The following SRBD1 variants were observed in gnomAD, a reference collection of about 807,000 sequenced individuals.
The protein encoded by SRBD1 is S1 RNA binding domain 1.
A neutral mutation model predicts 115.3 loss-of-function variants in SRBD1; 88 were observed. The ratio of observed to expected loss-of-function variants is 0.76; its 90% CI spans 0.64 to 0.91. SRBD1 has a LOEUF of 0.91. Ranked by LOEUF, SRBD1 falls within the 40% of genes least tolerant of loss-of-function variation. SRBD1 has a pLI of 0.00. For missense variants in SRBD1, 1,385 were observed against 1,177.4 expected, an observed-to-expected ratio of 1.18 and a Z score of -2.58; for synonymous variants, 509 against 407.7, an observed-to-expected ratio of 1.25 and a Z score of -2.99.
intron 16 of SRBD1, among the ~76,000 whole-genome samples, chr2:45,429,211 A>C (rs541098486): frequency 6.6e-6 from 1 of 152,200 alleles, no homozygotes; most frequent in African/African-American, 2.4e-5. Context: ...GAATTCCACC[A>C]GAGGTACAAA....
chr2:45,491,770 A>C (rs1021594718), intron 14 of SRBD1, among the ~76,000 whole-genome samples: 2 of 152,226 alleles, frequency 1.3e-5, no homozygotes, highest in Non-Finnish European at 1.5e-5. Flanking sequence ...CAACGCATTC[A>C]CTTTCAAATT....
intron 16 of SRBD1, among the ~76,000 whole-genome samples, chr2:45,452,791 TG>T (rs921466679): frequency 2.2e-4 from 33 of 151,632 alleles, no homozygotes; most frequent in Non-Finnish European, 3.7e-4. Context: ...TTGGTTGTGG[TG>T]GGGGGGCGTA....
chr2:45,525,989 A>T (rs1364515720), intron 14 of SRBD1, among the ~76,000 whole-genome samples: 1 of 152,040 alleles, frequency 6.6e-6, no homozygotes. Flanking sequence ...TTGTAGATAA[A>T]TCAGAACCCT....
chr2:45,413,611 T>A (rs757373704), intron 18 of SRBD1, among the ~76,000 whole-genome samples: 1 of 152,046 alleles, frequency 6.6e-6, no homozygotes, highest in Non-Finnish European at 1.5e-5. Context: ...ATCTATTGAG[T>A]GTAGAACAGG....
intron 10 of SRBD1, among the ~76,000 whole-genome samples, chr2:45,555,323 T>C (rs1054427428): frequency 3.3e-5 from 5 of 152,104 alleles, no homozygotes; most frequent in African/African-American, 7.2e-5. Flanking sequence ...AGGTTGAAGC[T>C]GTAGTAAGCC....
chr2:45,548,611 C>T (rs1015194710), intron 12 of SRBD1, among the ~76,000 whole-genome samples: 10 of 150,826 alleles, frequency 6.6e-5, no homozygotes, highest in African/African-American at 1.7e-4. Flanking sequence ...AACCAAGTTC[C>T]ATTAATCTAA....
intron 16 of SRBD1, among the ~76,000 whole-genome samples, chr2:45,473,449 C>T (rs1669710955): frequency 6.6e-6 from 1 of 152,108 alleles, no homozygotes; most frequent in African/African-American, 2.4e-5. Flanking sequence ...ATGTCTTTCC[C>T]TTCTTTGGAC....
At chr2:45,585,042 C>T (rs1451053020) in intron 5 of SRBD1, among the ~76,000 whole-genome samples, 1 of 151,720 alleles carries the variant, frequency 6.6e-6, no homozygotes. Context: ...CTCAGCTACT[C>T]GGGAGGCTGA....
chr2:45,551,037 C>T, intron 12 of SRBD1, 88 bp downstream of exon 12: 1 of 1,453,460 alleles, frequency 6.9e-7, no homozygotes, highest in Admixed American at 2.6e-5. Context: ...TTAAAATTAA[C>T]ATTATTTCCA....
At chr2:45,480,673 T>C (rs1669934700) in intron 15 of SRBD1, among the ~76,000 whole-genome samples, 1 of 152,112 alleles carries the variant, frequency 6.6e-6, no homozygotes, top group South Asian at 2.1e-4. Context: ...GTGGAAATGA[T>C]AAAAGATATC....
chr2:45,589,436 C>A (rs1327097892), intron 4 of SRBD1, among the ~76,000 whole-genome samples: 1 of 152,098 alleles, frequency 6.6e-6, no homozygotes, highest in Non-Finnish European at 1.5e-5. Context: ...TTTGATTGAC[C>A]CTTGAAAGAT....
chr2:45,518,202 A>C (rs1671177913), intron 14 of SRBD1, among the ~76,000 whole-genome samples: 1 of 152,160 alleles, frequency 6.6e-6, no homozygotes, highest in African/African-American at 2.4e-5. Flanking sequence ...TCATTTTTAC[A>C]GGTAGAAAAA....
intron 14 of SRBD1, among the ~76,000 whole-genome samples, chr2:45,501,986 G>A (rs1670646252): frequency 1.3e-5 from 2 of 152,176 alleles, no homozygotes; most frequent in Admixed American, 6.5e-5. Flanking sequence ...CGGACAGACT[G>A]CCTCCTCAAG....
At chr2:45,458,881 T>G (rs1669228937) in intron 16 of SRBD1, among the ~76,000 whole-genome samples, 1 of 152,152 alleles carries the variant, frequency 6.6e-6, no homozygotes, top group African/African-American at 2.4e-5. Context: ...ATGTAAACTA[T>G]GACGTTTTGG....
intron 14 of SRBD1, among the ~76,000 whole-genome samples, chr2:45,522,419 C>G (rs933990603): frequency 6.6e-6 from 1 of 152,128 alleles, no homozygotes; most frequent in Non-Finnish European, 1.5e-5. Flanking sequence ...CTCAAGCAAT[C>G]CTCCTGTCTC....
rs1200874250 is a variant in SRBD1 at position 45,520,834 on chromosome 2, C to A, written c.1874+25898G>T. On this transcript the variant is annotated intron_variant, in intron 14 of 20. Coordinates refer to ENST00000263736, the MANE Select transcript of SRBD1 (RefSeq NM_018079.5). ...CCATCCATCTGGCTGAAAGCCACCTCCACCACTCAGTAAAACCCCCACATT... is the reference window on the plus strand; with the variant it reads ...CCATCCATCTGGCTGAAAGCCACCTACACCACTCAGTAAAACCCCCACATT... Among the ~76,000 whole-genome samples the A allele has an allele frequency of 2.0e-5, 3 of 152,180 alleles. No individual in the cohort carries two copies. The East Asian group carries it at 5.8e-4, about 29-fold the overall frequency.
chr2:45,486,217 C>T (rs751159712), intron 15 of SRBD1, among the ~76,000 whole-genome samples: 3 of 152,094 alleles, frequency 2.0e-5, no homozygotes, highest in South Asian at 2.1e-4. Flanking sequence ...TCTTCAGCAG[C>T]GGGAGGCCTG....
chr2:45,506,999 T>C (rs1670818503), intron 14 of SRBD1, among the ~76,000 whole-genome samples: 1 of 152,138 alleles, frequency 6.6e-6, no homozygotes, highest in Admixed American at 6.5e-5. Context: ...TAGACTGAAA[T>C]AGAGGGTTTT....
intron 1 of SRBD1, among the ~76,000 whole-genome samples, chr2:45,608,154 G>A (rs996591835): frequency 6.6e-6 from 1 of 152,156 alleles, no homozygotes; most frequent in African/African-American, 2.4e-5. Flanking sequence ...GCAGGCTTAT[G>A]TTTTTGCTTA....
Sources: allele counts gnomAD v4.1 joint callset (sites outside exome capture counted in the v4.1 genomes callset), GRCh38; gene constraint gnomAD v4.1.1; transcripts MANE v1.5; gene names NCBI Gene and HGNC (gene_info 2026-07-23, HGNC 2026-07-21).